The following GADL1 variants were observed in gnomAD, a reference collection of about 807,000 sequenced individuals.
GADL1 encodes the protein GAD like acidic amino acid decarboxylase 1.
GADL1 carries 71 observed loss-of-function variants against 69.5 expected under a neutral mutation model. The ratio of observed to expected loss-of-function variants is 1.02; its 90% confidence interval spans 0.84 to 1.25. The LOEUF (loss-of-function observed/expected upper bound fraction) is 1.25. Ranked by LOEUF, GADL1 falls within the 50% of genes most tolerant of loss-of-function variation. GADL1 has a pLI of 0.00. For synonymous variants in GADL1, 254 were observed against 214.4 expected (o/e 1.18, Z -1.62); for missense variants, 737 against 631.8 (o/e 1.17, Z -1.79).
At position 30,854,911 on chromosome 3, in the gene GADL1, A is replaced by G. The variant is rs906101421; in HGVS notation, c.338-122T>C. ...AGACACACACAGAAGAGTTATATATAACGTAATTCCATTTATATGACATTC... is the reference window on the plus strand; with the variant it reads ...AGACACACACAGAAGAGTTATATATGACGTAATTCCATTTATATGACATTC... On this transcript the variant is annotated intron_variant, in intron 3 of 14. Transcript: ENST00000282538. 20 of 587,212 alleles carry G rather than the reference A, an allele frequency of 3.4e-5. No individual in the cohort carries two copies. In the African/African-American group the frequency reaches 3.4e-4, roughly 10 times the overall value. The allele number at this position is 587,212 out of a possible 1,614,324, so 36.4% of individuals were successfully genotyped here. A position where few individuals can be genotyped will look rare whatever the true frequency, so the allele number is the denominator to read the frequency against.
intron 14 of GADL1, among the ~76,000 whole-genome samples, chr3:30,777,688 G>A (rs980689727): frequency 1.3e-5 from 2 of 152,170 alleles, no homozygotes; most frequent in African/African-American, 2.4e-5. Flanking sequence ...CATTTTGTTC[G>A]ATGATCAGCT....
At chr3:30,745,901 CTTA>C (rs1195436461) in intron 14 of GADL1, among the ~76,000 whole-genome samples, 3 of 151,872 alleles carry the variant, frequency 2.0e-5, no homozygotes, top group East Asian at 1.9e-4. Context: ...ATTCTCTTCC[CTTA>C]TTCTTTCCAT....
intron 14 of GADL1, among the ~76,000 whole-genome samples, chr3:30,739,364 C>A (rs1323568953): frequency 6.6e-6 from 1 of 152,084 alleles, no homozygotes; most frequent in Non-Finnish European, 1.5e-5. Flanking sequence ...TATCTACCTG[C>A]CCCCACCTGC....
chr3:30,833,342 C>T (rs1395276248), intron 11 of GADL1, among the ~76,000 whole-genome samples: 1 of 152,058 alleles, frequency 6.6e-6, no homozygotes, highest in Non-Finnish European at 1.5e-5. Flanking sequence ...AGCTAAGTAC[C>T]AACCACTTGG....
At chr3:30,762,308 G>T (rs1422210146) in intron 14 of GADL1, among the ~76,000 whole-genome samples, 2 of 152,132 alleles carry the variant, frequency 1.3e-5, no homozygotes, top group South Asian at 2.1e-4. Flanking sequence ...GCTTTAAAAG[G>T]CTTCCTTTTC....
chr3:30,807,942 G>A (rs1473062907), intron 11 of GADL1, among the ~76,000 whole-genome samples: 1 of 143,996 alleles, frequency 6.9e-6, no homozygotes, highest in Non-Finnish European at 1.5e-5. Context: ...TGAGGCAGAA[G>A]AATCGTTTGA....
At chr3:30,855,890 T>C (rs1698224299) in intron 3 of GADL1, among the ~76,000 whole-genome samples, 1 of 150,696 alleles carries the variant, frequency 6.6e-6, no homozygotes, top group African/African-American at 2.4e-5. Flanking sequence ...AAAGAAAATG[T>C]CTTTTCAGCT....
intron 1 of GADL1, among the ~76,000 whole-genome samples, chr3:30,864,884 C>G (rs1250596988): frequency 6.6e-6 from 1 of 151,990 alleles, no homozygotes; most frequent in Admixed American, 6.6e-5. Flanking sequence ...AACTAACCAC[C>G]TTTCTTCGCC....
intron 11 of GADL1, among the ~76,000 whole-genome samples, chr3:30,831,389 T>A (rs1242784562): frequency 1.3e-5 from 2 of 151,906 alleles, no homozygotes. Context: ...TCACCTGCTG[T>A]GTATTACTGA....
intron 14 of GADL1, among the ~76,000 whole-genome samples, chr3:30,754,002 C>A (rs537732847): frequency 1.5e-4 from 23 of 152,224 alleles, no homozygotes; most frequent in African/African-American, 4.1e-4. Context: ...CCAAGGAGGA[C>A]TGAGGTGGTG....
rs397875196 is a variant in GADL1 at position 30,863,027 on chromosome 3, TCACA to T, written c.38-1266_38-1263del. Among the ~76,000 whole-genome samples, 187 of 110,206 alleles carry T rather than the reference TCACA, an allele frequency of 1.7e-3. 1 individual carries two copies. The highest frequency in any genetic ancestry group is 2.7e-3 in the African/African-American group (98 of 36,942). 72.3% of individuals were successfully genotyped at this position (110,206 alleles called of 152,430 possible). A position where few individuals can be genotyped will look rare whatever the true frequency, so the allele number is the denominator to read the frequency against. On this transcript the variant is annotated intron_variant, in intron 1 of 14. Transcript: ENST00000282538. ...TCGTAAACATAAGCCCATGTCTGTTTCACACACACACACACACACACACACACTC... is the reference window on the plus strand; with the variant it reads ...TCGTAAACATAAGCCCATGTCTGTTTCACACACACACACACACACACACTC...
chr3:30,763,928 C>G (rs1403582346), intron 14 of GADL1, among the ~76,000 whole-genome samples: 1 of 151,934 alleles, frequency 6.6e-6, no homozygotes, highest in African/African-American at 2.4e-5. Flanking sequence ...TATAAATTCT[C>G]TTGATAATAA....
At chr3:30,806,494 A>G (rs1697257741) in intron 11 of GADL1, among the ~76,000 whole-genome samples, 1 of 152,224 alleles carries the variant, frequency 6.6e-6, no homozygotes, top group Non-Finnish European at 1.5e-5. Context: ...TTTATTGATC[A>G]AATATTTGGG....
intron 11 of GADL1, among the ~76,000 whole-genome samples, chr3:30,822,024 G>GTT (rs1697588729): frequency 1.3e-5 from 2 of 151,906 alleles, no homozygotes. Context: ...TGATATGCAG[G>GTT]TTTTGTACAA....
chr3:30,844,607 G>GC, intron 6 of GADL1, 141 bp from the exon 7 acceptor site: 1 of 649,384 alleles, frequency 1.5e-6, no homozygotes, highest in South Asian at 1.8e-5. Context: ...ATTTAATTGA[G>GC]CTCCTTAGCA....
At chr3:30,869,725 G>C (rs1215966579) in intron 1 of GADL1, among the ~76,000 whole-genome samples, 3 of 151,664 alleles carry the variant, frequency 2.0e-5, no homozygotes, top group Non-Finnish European at 4.4e-5. Flanking sequence ...TCCACAGTGA[G>C]CAGATACTTC....
intron 1 of GADL1, 71 bp downstream of exon 1, chr3:30,894,507 C>T: frequency 7.7e-7 from 1 of 1,294,706 alleles, no homozygotes; most frequent in South Asian, 1.3e-5. Flanking sequence ...GTCCCCAGGT[C>T]AAAAATAAGG....
At chr3:30,751,974 G>A (rs942158652) in intron 14 of GADL1, among the ~76,000 whole-genome samples, 16 of 150,748 alleles carry the variant, frequency 1.1e-4, no homozygotes, top group African/African-American at 3.7e-4. Flanking sequence ...CAACAGCAAA[G>A]ACTTACTGAT....
At chr3:30,782,952 A>T (rs1268467305) in intron 13 of GADL1, among the ~76,000 whole-genome samples, 2 of 151,942 alleles carry the variant, frequency 1.3e-5, no homozygotes, top group East Asian at 1.9e-4. Flanking sequence ...ACAAGATAAC[A>T]ATGTAAGAAA....
Sources: allele counts gnomAD v4.1 joint callset (sites outside exome capture counted in the v4.1 genomes callset), GRCh38; gene constraint gnomAD v4.1.1; transcripts MANE v1.5; gene names NCBI Gene and HGNC (gene_info 2026-07-23, HGNC 2026-07-21).